The following FOXK1 variants were observed in gnomAD, a reference collection of about 807,000 sequenced individuals.
FOXK1 encodes forkhead box K1.
Under a neutral mutation model 51.9 loss-of-function variants are expected in FOXK1, and 19 were observed. That is an observed-to-expected ratio of 0.37 (90% confidence interval 0.26 to 0.54). The LOEUF is 0.54. FOXK1 is among the 20% of genes least tolerant of loss of function. The pLI is 0.87. For missense variants in FOXK1, 870 were observed against 1,032.7 expected, an observed-to-expected ratio of 0.84 and a Z score of 2.16; for synonymous variants, 537 against 482.6, an observed-to-expected ratio of 1.11 and a Z score of -1.48.
intron 1 of FOXK1, among the ~76,000 whole-genome samples, chr7:4,708,405 G>A (rs1330064366): frequency 8.5e-5 from 13 of 152,152 alleles, no homozygotes; most frequent in Admixed American, 6.5e-4. Context: ...CTCACCCGAA[G>A]GTAAATCAGA....
rs1286327540 is a variant in FOXK1, at chr7:4,767,473, C to T, written c.*5009C>T. ...TCGCCTCGAGCCTCCTTGACAATACCGCTGCTTCAAAGCAATATTATTTAA... is the reference window on the plus strand; with the variant it reads ...TCGCCTCGAGCCTCCTTGACAATACTGCTGCTTCAAAGCAATATTATTTAA... On this transcript the variant is annotated 3_prime_UTR_variant, in exon 9 of 9. Transcript: ENST00000328914. This position sits in a 1 kb window ranked among gnomAD's most constrained non-coding sequence, Gnocchi z 6.6. 2.0e-5 allele frequency: 3 copies of T among 152,216 alleles called. No individual in the cohort carries two copies. The highest frequency in any genetic ancestry group is 1.9e-4 in the East Asian group (1 of 5,196). The allele number at this position is 152,216 out of a possible 1,614,324, so 9.4% of individuals were successfully genotyped here. A position where few individuals can be genotyped will look rare whatever the true frequency, so the allele number is the denominator to read the frequency against.
At chr7:4,714,470 TC>T (rs1318134273) in intron 1 of FOXK1, among the ~76,000 whole-genome samples, 1 of 152,218 alleles carries the variant, frequency 6.6e-6, no homozygotes, top group Admixed American at 6.5e-5. Context: ...AGACCGGGTT[TC>T]GCCACATTGC....
Position 4,745,924 on chromosome 7 carries a change from A to G in FOXK1, c.746+4901A>G, listed in dbSNP as rs1780696732. Among the ~76,000 whole-genome samples the G allele has an allele frequency of 1.3e-5, 2 of 152,218 alleles. No homozygotes were observed. The highest frequency in any genetic ancestry group is 2.9e-5 in the Non-Finnish European group (2 of 68,046). On this transcript the variant is annotated intron_variant, in intron 2 of 8. Coordinates refer to ENST00000328914, the MANE Select transcript of FOXK1 (RefSeq NM_001037165.2). This position sits in a 1 kb window ranked among gnomAD's most constrained non-coding sequence, Gnocchi z 4.3. The stretch of plus-strand genomic sequence containing the variant: ...TTTTAGGAAGGAATTAAAGTATTTA[A>G]TGAAAGAATTCAAGTAGTTAATCAT...
intron 1 of FOXK1, among the ~76,000 whole-genome samples, chr7:4,737,449 C>T (rs924120288): frequency 1.1e-4 from 16 of 149,644 alleles, no homozygotes; most frequent in African/African-American, 3.4e-4. Flanking sequence ...CGTGTGTGTG[C>T]GTGCACGTGT....
At position 4,747,334 on chromosome 7, in the gene FOXK1, C is replaced by T. The variant is rs1297489018; in HGVS notation, c.746+6311C>T. On this transcript the variant is annotated intron_variant, in intron 2 of 8. Transcript: ENST00000328914. The surrounding 1 kb of genome is among the most constrained non-coding windows in gnomAD (Gnocchi z 9.2). ...ACACGGAGCTGACCCCGGAACCTGCCTAGCTGCGGGGCCGCCTCTCCGCTC... is the reference window on the plus strand; with the variant it reads ...ACACGGAGCTGACCCCGGAACCTGCTTAGCTGCGGGGCCGCCTCTCCGCTC... Among the ~76,000 whole-genome samples the T allele has an allele frequency of 6.6e-6, 1 of 152,192 alleles. No individual in the cohort carries two copies. Among genetic ancestry groups the T allele is most frequent in the Non-Finnish European group, 1.5e-5 (1 of 68,034 alleles).
rs898628774 is a variant in FOXK1 at position 4,761,003 on chromosome 7, G to A, written c.1697-61G>A. 25 of 1,518,004 alleles carry A rather than the reference G, an allele frequency of 1.6e-5. No individual in the cohort carries two copies. Among genetic ancestry groups the A allele is most frequent in the South Asian group, 1.0e-4 (9 of 88,126 alleles). The allele number at this position is 1,518,004 out of a possible 1,614,324, so 94.0% of individuals were successfully genotyped here. A position where few individuals can be genotyped will look rare whatever the true frequency, so the allele number is the denominator to read the frequency against. ...CACTTGTCCGACCTGCTGCCCAGGC[G>A]TCGAGGAAATCGATTGTCTCGTTGG... is the stretch of plus-strand genomic sequence containing the variant. On this transcript the variant is annotated intron_variant, in intron 7 of 8. Transcript: ENST00000328914. The surrounding 1 kb of genome is among the most constrained non-coding windows in gnomAD (Gnocchi z 6.2).
In FOXK1 at chr7:4,757,239, C is replaced by G. The variant is rs1159293807; in HGVS notation, c.1244+52C>G. On this transcript the variant is annotated intron_variant, in intron 5 of 8. Transcript: ENST00000328914. ...CAGCTGTTAGGAAAGCTGAGCTGCC[C>G]TGGAGTTTAGAGATACGTGGCGCAG... 2.0e-6 allele frequency: 3 copies of G among 1,509,680 alleles called. No individual in the cohort carries two copies. In the African/African-American group the frequency reaches 4.2e-5, roughly 21 times the overall value. 93.5% of individuals were successfully genotyped at this position (1,509,680 alleles called of 1,614,324 possible).
At chr7:4,752,161 A>T (rs977895018) in intron 2 of FOXK1, among the ~76,000 whole-genome samples, 1 of 152,078 alleles carries the variant, frequency 6.6e-6, no homozygotes, top group African/African-American at 2.4e-5. Context: ...GTATTTATTT[A>T]TTTATTTTTA....
rs908069451 is a variant in FOXK1 at position 4,753,448 on chromosome 7, C to T, written c.747-1011C>T. Among the ~76,000 whole-genome samples, 2 of 151,998 alleles carry T rather than the reference C, an allele frequency of 1.3e-5. No homozygotes were observed. The highest frequency in any genetic ancestry group is 1.3e-4 in the Admixed American group (2 of 15,246). On this transcript the variant is annotated intron_variant, in intron 2 of 8. Transcript: ENST00000328914. This position sits in a 1 kb window ranked among gnomAD's most constrained non-coding sequence, Gnocchi z 4.9. Reference sequence around the variant, plus strand: ...GTGGTTCTGGATGGTTCTGGGTGGCCTGCAGGGCAGTGCAGCAGGGAGCAT... The same window carrying T: ...GTGGTTCTGGATGGTTCTGGGTGGCTTGCAGGGCAGTGCAGCAGGGAGCAT...
intron 1 of FOXK1, among the ~76,000 whole-genome samples, chr7:4,724,990 G>T (rs569502463): frequency 6.6e-6 from 1 of 152,344 alleles, no homozygotes; most frequent in African/African-American, 2.4e-5. Flanking sequence ...GGAGAAGTGG[G>T]TTTGGGGGGA....
intron 1 of FOXK1, among the ~76,000 whole-genome samples, chr7:4,724,230 C>G (rs12701881): frequency 6.6e-6 from 1 of 152,242 alleles, no homozygotes; most frequent in Non-Finnish European, 1.5e-5. Context: ...GAGTCTTCCT[C>G]TGTCACCCAG....
rs1012144665 is a variant in FOXK1, at chr7:4,709,180, G to A, written c.560+26312G>A. 6.6e-6 allele frequency among the ~76,000 whole-genome samples: 1 copy of A among 152,152 alleles called. No homozygotes were observed. The highest frequency in any genetic ancestry group is 2.4e-5 in the African/African-American group (1 of 41,442). On this transcript the variant is annotated intron_variant, in intron 1 of 8. Transcript: ENST00000328914. The surrounding 1 kb of genome is among the most constrained non-coding windows in gnomAD (Gnocchi z 5.6). ...CTAGCTGTTGCTGTGCACACTGGGGGCCCGAGGCCCCAGGATACCCCCGTG... is the reference window on the plus strand; with the variant it reads ...CTAGCTGTTGCTGTGCACACTGGGGACCCGAGGCCCCAGGATACCCCCGTG...
chr7:4,688,304 T>TA (rs781350432), intron 1 of FOXK1, among the ~76,000 whole-genome samples: 2 of 151,798 alleles, frequency 1.3e-5, no homozygotes, highest in East Asian at 1.9e-4. Flanking sequence ...TTATCACACC[T>TA]AAAAAATGAA....
intron 1 of FOXK1, among the ~76,000 whole-genome samples, chr7:4,738,999 A>AC (rs1780594316): frequency 6.6e-6 from 1 of 152,108 alleles, no homozygotes; most frequent in Admixed American, 6.6e-5. Flanking sequence ...ACCCTTCGTC[A>AC]CCCTCTGACC....
At chr7:4,718,117 C>T (rs1354268646) in intron 1 of FOXK1, among the ~76,000 whole-genome samples, 1 of 152,208 alleles carries the variant, frequency 6.6e-6, no homozygotes, top group Admixed American at 6.5e-5. Context: ...ATCACAGATT[C>T]ACAAGGAGCA....
chr7:4,724,045 A>T (rs1376466971), intron 1 of FOXK1, among the ~76,000 whole-genome samples: 1 of 151,884 alleles, frequency 6.6e-6, no homozygotes, highest in African/African-American at 2.4e-5. Flanking sequence ...GGTACTTTGG[A>T]TTATTAAGTT....
intron 1 of FOXK1, among the ~76,000 whole-genome samples, chr7:4,684,614 C>T (rs953651768): frequency 6.6e-6 from 1 of 152,134 alleles, no homozygotes; most frequent in African/African-American, 2.4e-5. Context: ...CCATTAAATG[C>T]ATTTCCTGGC....
rs1226139321 is a variant in FOXK1, at chr7:4,733,345, A to G, written c.561-7493A>G. Among the ~76,000 whole-genome samples the G allele has an allele frequency of 2.0e-5, 3 of 152,078 alleles. No individual in the cohort carries two copies. The highest frequency in any genetic ancestry group is 7.2e-5 in the African/African-American group (3 of 41,412). ...TACCCAGCCACACATGACCATCTTA[A>G]TGTCAGCTATGACCTGGAGGCACCA... On this transcript the variant is annotated intron_variant, in intron 1 of 8. Transcript: ENST00000328914. This position sits in a 1 kb window ranked among gnomAD's most constrained non-coding sequence, Gnocchi z 5.0.
rs1193542010 is a variant in FOXK1, at chr7:4,692,908, T to C, written c.560+10040T>C. ...GACCAGCTAATTTCTTTTATTTATT[T>C]ATTTATTTTTGGTTGAGATGGGGTC... On this transcript the variant is annotated intron_variant, in intron 1 of 8. Transcript: ENST00000328914. 2.0e-5 allele frequency among the ~76,000 whole-genome samples: 3 copies of C among 152,214 alleles called. No homozygotes were observed. The East Asian group carries it at 5.8e-4, about 29-fold the overall frequency.
Sources: gnomAD v4.1 joint callset for allele counts (sites outside exome capture counted in the v4.1 genomes callset) on GRCh38, gnomAD v4.1.1 for gene constraint, Gnocchi (gnomAD v3.1) non-coding constraint, MANE v1.5 for transcripts, NCBI Gene and HGNC (gene_info 2026-07-23, HGNC 2026-07-21) for gene names.